The following BARD1 variants were observed in gnomAD, a reference collection of about 807,000 sequenced individuals.
The protein encoded by BARD1 is BRCA1-associated RING domain protein 1.
In BARD1, 73 loss-of-function variants were observed where a neutral mutation model predicts 77.0. The ratio of observed to expected loss-of-function variants is 0.95; its 90% confidence interval spans 0.79 to 1.15. The LOEUF (loss-of-function observed/expected upper bound fraction) is 1.15, where lower values mean the gene tolerates loss of function less well. Ranked by LOEUF, BARD1 falls within the 50% of genes most tolerant of loss-of-function variation. BARD1 has a pLI of 0.00. For synonymous variants in BARD1, 384 were observed against 338.0 expected, an observed-to-expected ratio of 1.14 and a Z score of -1.49; for missense variants, 993 against 938.8, an observed-to-expected ratio of 1.06 and a Z score of -0.75.
Position 214,797,248 on chromosome 2 carries a change from T to C in BARD1, c.159-131A>G, listed in dbSNP as rs981435724. Reference sequence around the variant, plus strand: ...CAAAGCAGAAGGTATTAAGGATGCATTCATTTGAAAGGCTGTTACTCCCTG... The same window carrying C: ...CAAAGCAGAAGGTATTAAGGATGCACTCATTTGAAAGGCTGTTACTCCCTG... On this transcript the variant is annotated intron_variant, in intron 1 of 10. Coordinates refer to ENST00000260947, the MANE Select transcript of BARD1 (RefSeq NM_000465.4). 1.1e-5 allele frequency: 9 copies of C among 793,310 alleles called. No individual in the cohort carries two copies. In the African/African-American group the frequency reaches 1.5e-4, roughly 13 times the overall value. The allele number at this position is 793,310 out of a possible 1,614,324, so 49.1% of individuals were successfully genotyped here.
chr2:214,739,270 CA>C (rs1408413863), intron 9 of BARD1, among the ~76,000 whole-genome samples: 1 of 151,660 alleles, frequency 6.6e-6, no homozygotes, highest in Admixed American at 6.6e-5. Flanking sequence ...AATACAGAAT[CA>C]AACATCACTA....
At chr2:214,781,530 G>T in intron 3 of BARD1, 21 bp from the exon 4 acceptor site, 1 of 1,592,560 alleles carries the variant, frequency 6.3e-7, no homozygotes, top group Non-Finnish European at 8.6e-7. Context: ...AAAAGAAAAA[G>T]AAATCTGTTA....
In BARD1 at chr2:214,748,996, A is replaced by C. The variant is rs904901137; in HGVS notation, c.1678-3142T>G. Among the ~76,000 whole-genome samples, 7 of 152,130 alleles carry C rather than the reference A, an allele frequency of 4.6e-5. 1 individual carries two copies. Among genetic ancestry groups the C allele is most frequent in the African/African-American group, 1.7e-4 (7 of 41,420 alleles). On this transcript the variant is annotated intron_variant, in intron 7 of 10. Transcript: ENST00000260947. The stretch of plus-strand genomic sequence containing the variant: ...TCTAGTTGAGAGGGGAAAACAACAC[A>C]AGAAAATAAAAATACATTACATCAA...
intron 4 of BARD1, among the ~76,000 whole-genome samples, chr2:214,771,731 A>G (rs1694501769): frequency 9.0e-6 from 1 of 111,268 alleles, no homozygotes; most frequent in Non-Finnish European, 2.0e-5. Context: ...CTACCTCAGA[A>G]AAAAAAAAAA....
At chr2:214,756,070 T>G (rs561226070) in intron 6 of BARD1, among the ~76,000 whole-genome samples, 2 of 152,192 alleles carry the variant, frequency 1.3e-5, no homozygotes, top group Admixed American at 1.3e-4. Flanking sequence ...TTACCTATAC[T>G]GATAAGGTTT....
At chr2:214,796,966 C>T (rs1484005954) in intron 2 of BARD1, 95 bp downstream of exon 2, 4 of 1,007,552 alleles carry the variant, frequency 4.0e-6, no homozygotes, top group Non-Finnish European at 4.8e-6. Flanking sequence ...GAAAGTTACA[C>T]AAACATCAAG....
At position 214,797,117 on chromosome 2, in the gene BARD1, A is replaced by C. The variant is rs201708813; in HGVS notation, c.159T>G (p.Cys53Trp). 1 of 1,612,126 alleles carries C rather than the reference A, an allele frequency of 6.2e-7. No individual in the cohort carries two copies. The highest frequency in any genetic ancestry group is 1.7e-5 in the Admixed American group (1 of 60,004). The change falls in exon 2 of 11, where the codon TGT becomes TGG. Residue 53 changes from cysteine to tryptophan, a missense_variant and splice_region_variant. Transcript: ENST00000260947. ...RLEKLLRCSR[C>W]TNILREPVCL... is the part of the protein sequence containing the mutation. ...ACACAGGCTCTCTCAGAATGTTAGT[A>C]CTGTTTGAAGAAATTAAAACAATCA...
chr2:214,731,052 C>A, intron 9 of BARD1: 1 of 319,812 alleles, frequency 3.1e-6, no homozygotes, highest in Non-Finnish European at 6.4e-6. Flanking sequence ...CTAAAATAAA[C>A]AAGCAGAGCT....
At chr2:214,807,208 T>G (rs866807180) in intron 1 of BARD1, among the ~76,000 whole-genome samples, 1 of 149,558 alleles carries the variant, frequency 6.7e-6, no homozygotes, top group Non-Finnish European at 1.5e-5. Context: ...TCTATAGAGG[T>G]TCGGATTAAA....
chr2:214,806,269 C>A (rs963948225), intron 1 of BARD1, among the ~76,000 whole-genome samples: 1 of 152,162 alleles, frequency 6.6e-6, no homozygotes, highest in Non-Finnish European at 1.5e-5. Context: ...CAGCTGCAAG[C>A]TGAATGTGAG....
chr2:214,735,092 G>C (rs1403528849), intron 9 of BARD1, among the ~76,000 whole-genome samples: 1 of 151,990 alleles, frequency 6.6e-6, no homozygotes, highest in African/African-American at 2.4e-5. Flanking sequence ...GTATACTGTT[G>C]ACTCATTAAG....
In BARD1 at chr2:214,725,964, G is replaced by A. The variant is rs941758921; in HGVS notation, c.*2712C>T. 5.8e-5 allele frequency: 13 copies of A among 224,260 alleles called. No homozygotes were observed. Among genetic ancestry groups the A allele is most frequent in the East Asian group, 1.3e-4 (2 of 15,630 alleles). 13.9% of individuals were successfully genotyped at this position (224,260 alleles called of 1,614,324 possible). On this transcript the variant is annotated 3_prime_UTR_variant, in exon 11 of 11. Coordinates refer to ENST00000260947, the MANE Select transcript of BARD1 (RefSeq NM_000465.4). ...ACCTGTGAATCGTCTTATTCCCACAGGAAACATCAAACCTCCCCAAATATC... is the reference window on the plus strand; with the variant it reads ...ACCTGTGAATCGTCTTATTCCCACAAGAAACATCAAACCTCCCCAAATATC...
chr2:214,752,659 C>T (rs559440153), intron 6 of BARD1, 104 bp from the exon 7 acceptor site: 44 of 833,488 alleles, frequency 5.3e-5, no homozygotes, highest in Non-Finnish European at 7.0e-5. Context: ...ATAAATTACT[C>T]AGAACTCATA....
chr2:214,746,926 G>A (rs540337240), intron 7 of BARD1, among the ~76,000 whole-genome samples: 3,260 of 152,070 alleles, frequency 0.021, 95 homozygotes, highest in African/African-American at 0.07. Context: ...GCAACCTACA[G>A]AATGGGAGAA....
At chr2:214,807,086 A>G (rs1177376706) in intron 1 of BARD1, among the ~76,000 whole-genome samples, 2 of 152,164 alleles carry the variant, frequency 1.3e-5, no homozygotes, top group East Asian at 3.8e-4. Context: ...AATAAGAACA[A>G]AAACTATTTG....
In BARD1 at chr2:214,781,331, T is replaced by A; in HGVS notation, c.543A>T (p.Glu181Asp). ...CTGCAGGAGGACTTGGGGAAACAAA[T>A]TCATATGAGTCTTGCTGAGCACTTG... Reference protein sequence around the residue: ...KDASAQQDSYEFVSPSPPADV... With the variant: ...KDASAQQDSYDFVSPSPPADV... The change falls in exon 4 of 11, where the codon GAA becomes GAT. Residue 181 changes from glutamate (E) to aspartate (D), a missense_variant. Glu to Asp is a conservative substitution (Grantham distance 45, BLOSUM62 2). Transcript: ENST00000260947. 1 of 1,613,220 alleles carries A rather than the reference T, an allele frequency of 6.2e-7. No homozygotes were observed. The highest frequency in any genetic ancestry group is 8.5e-7 in the Non-Finnish European group (1 of 1,179,840).
chr2:214,797,936 A>G (rs911426852), intron 1 of BARD1, among the ~76,000 whole-genome samples: 10 of 152,134 alleles, frequency 6.6e-5, no homozygotes, highest in African/African-American at 2.4e-4. Context: ...TAACAAAGTA[A>G]TGATACTAAT....
At position 214,767,604 on chromosome 2, in the gene BARD1, C is replaced by T. The variant is rs1694273946; in HGVS notation, c.1446G>A (p.Gln482=). Residue 482 remains glutamine (Q), a synonymous_variant, in exon 6 of 11, where the codon CAG becomes CAA. Transcript: ENST00000260947. ...CGGTGGTGTTCACCAATGCCTTATG[C>T]TGGAGCAATAATTCCACTACCTTCA... ...GHLKVVELLL[Q]HKALVNTTGY... 6.2e-7 allele frequency: 1 copy of T among 1,614,056 alleles called. No homozygotes were observed. The highest frequency in any genetic ancestry group is 8.5e-7 in the Non-Finnish European group (1 of 1,179,968).
chr2:214,731,428 G>A lies in BARD1; in HGVS notation c.1904-920C>T, dbSNP rs111944063. On this transcript the variant is annotated intron_variant, in intron 9 of 10. Coordinates refer to ENST00000260947, the MANE Select transcript of BARD1 (RefSeq NM_000465.4). Reference sequence around the variant, plus strand: ...ATAATGCCTGTTTACCACCAAGCGAGGGAACTGATGGCATGTATATATATT... The same window carrying A: ...ATAATGCCTGTTTACCACCAAGCGAAGGAACTGATGGCATGTATATATATT... 1.4e-3 allele frequency among the ~76,000 whole-genome samples: 208 copies of A among 152,312 alleles called. 1 individual carries two copies. Among genetic ancestry groups the A allele is most frequent in the African/African-American group, 4.6e-3 (193 of 41,558 alleles).
Sources: allele counts gnomAD v4.1 joint callset (sites outside exome capture counted in the v4.1 genomes callset), GRCh38; gene constraint gnomAD v4.1.1; transcripts MANE v1.5; gene names NCBI Gene and HGNC (gene_info 2026-07-23, HGNC 2026-07-21).